The following GTF3C6 variants were observed in gnomAD, a reference collection of about 807,000 sequenced individuals.
GTF3C6 encodes the protein general transcription factor 3C polypeptide 6.
In GTF3C6, 11 loss-of-function variants were observed where a neutral mutation model predicts 19.2. The observed-to-expected ratio is 0.57, with a 90% CI of 0.36 to 0.95. GTF3C6 has a LOEUF of 0.95. Among genes scored for constraint, GTF3C6 ranks in the 40% least tolerant of loss-of-function variants. The probability of loss-of-function intolerance (pLI) is 0.01; values close to 1 mark genes in which losing one functional copy is unlikely to be tolerated. For missense variants in GTF3C6, 222 were observed against 254.7 expected (o/e 0.87, Z 0.87); for synonymous variants, 87 against 84.2 (o/e 1.03, Z -0.18).
At position 110,958,791 on chromosome 6, in the gene GTF3C6, C is replaced by A; in HGVS notation, c.22C>A (p.Arg8=). MAAAADE[R]SPEDGEDEEE... ...GACCATGGCGGCGGCGGCGGACGAGCGGAGTCCAGAGGACGGAGAAGACGA... is the reference window on the plus strand; with the variant it reads ...GACCATGGCGGCGGCGGCGGACGAGAGGAGTCCAGAGGACGGAGAAGACGA... The change falls in exon 1 of 6, where the codon CGG becomes AGG. Residue 8 remains arginine, a synonymous_variant. Coordinates refer to ENST00000329970, the MANE Select transcript of GTF3C6 (RefSeq NM_138408.4). 1.9e-6 allele frequency: 3 copies of A among 1,551,090 alleles called. No homozygotes were observed. The highest frequency in any genetic ancestry group is 4.9e-5 in the East Asian group (2 of 40,990).
At chr6:110,961,339 CAG>C (rs1302733960) in intron 4 of GTF3C6, among the ~76,000 whole-genome samples, 1 of 151,800 alleles carries the variant, frequency 6.6e-6, no homozygotes, top group Non-Finnish European at 1.5e-5. Context: ...TTGGTAGAGA[CAG>C]GGTTTCGCCA....
intron 4 of GTF3C6, among the ~76,000 whole-genome samples, chr6:110,962,177 T>G (rs1771169488): frequency 6.6e-6 from 1 of 152,202 alleles, no homozygotes; most frequent in Non-Finnish European, 1.5e-5. Context: ...GTGCAGGGAT[T>G]ACAGGTGTGA....
intron 4 of GTF3C6, among the ~76,000 whole-genome samples, chr6:110,962,045 GGC>G (rs1318934706): frequency 6.6e-6 from 1 of 152,094 alleles, no homozygotes; most frequent in Non-Finnish European, 1.5e-5. Flanking sequence ...TGGGATTACA[GGC>G]GTGTGCCACC....
intron 5 of GTF3C6, among the ~76,000 whole-genome samples, chr6:110,964,587 C>T (rs1335148445): frequency 1.3e-5 from 2 of 151,966 alleles, no homozygotes; most frequent in Admixed American, 1.3e-4. Context: ...CCTGGGCTTG[C>T]CTAGAACTCC....
At chr6:110,958,970 C>A in intron 1 of GTF3C6, 144 bp downstream of exon 1, 1 of 1,013,494 alleles carries the variant, frequency 9.9e-7, no homozygotes, top group Non-Finnish European at 1.5e-6. Context: ...GCGCGAGGAG[C>A]CGGGCAGCTT....
At chr6:110,959,048 G>A (rs994851884) in intron 1 of GTF3C6, 124 bp from the exon 2 acceptor site, 41 of 861,006 alleles carry the variant, frequency 4.8e-5, no homozygotes, top group Middle Eastern at 2.2e-4. Flanking sequence ...CTTAGGTAGC[G>A]TAGTTTCCTC....
At chr6:110,966,823 A>C (rs1197569551) in intron 5 of GTF3C6, among the ~76,000 whole-genome samples, 2 of 140,214 alleles carry the variant, frequency 1.4e-5, no homozygotes, top group African/African-American at 5.4e-5. Flanking sequence ...TTGCGGGAAA[A>C]AAATATGAAT....
chr6:110,960,595 T>G lies in GTF3C6; in HGVS notation c.226T>G (p.Phe76Val), dbSNP rs764646095. 6.2e-7 allele frequency: 1 copy of G among 1,613,892 alleles called. No homozygotes were observed. ...AGACACTCTAGGGACCTGTGTTATATTTGAAGAAAATGTTGAACATGGTAA... is the reference window on the plus strand; with the variant it reads ...AGACACTCTAGGGACCTGTGTTATAGTTGAAGAAAATGTTGAACATGGTAA... ...YEDTLGTCVI[F>V]EENVEHADTE... Residue 76 changes from phenylalanine (F) to valine (V), a missense_variant, in exon 4 of 6, where the codon TTT becomes GTT. By Grantham distance (50) the Phe-to-Val change is conservative. Coordinates refer to ENST00000329970, the MANE Select transcript of GTF3C6 (RefSeq NM_138408.4).
At chr6:110,964,529 T>C (rs1771204347) in intron 5 of GTF3C6, among the ~76,000 whole-genome samples, 1 of 152,054 alleles carries the variant, frequency 6.6e-6, no homozygotes, top group Non-Finnish European at 1.5e-5. Flanking sequence ...CATGAGATGC[T>C]GCACCCAGCC....
At chr6:110,959,555 C>CAT (rs1771131435) in intron 2 of GTF3C6, among the ~76,000 whole-genome samples, 1 of 152,058 alleles carries the variant, frequency 6.6e-6, no homozygotes, top group Admixed American at 6.6e-5. Flanking sequence ...TGGAACCGTA[C>CAT]ATATATTCCT....
intron 5 of GTF3C6, among the ~76,000 whole-genome samples, chr6:110,963,024 G>A (rs572088828): frequency 3.3e-5 from 5 of 152,184 alleles, no homozygotes; most frequent in Non-Finnish European, 4.4e-5. Context: ...TGATCCGCCC[G>A]CCTTGGCTTC....
intron 5 of GTF3C6, 148 bp from the exon 6 acceptor site, chr6:110,967,362 C>T (rs1771242653): frequency 1.5e-6 from 1 of 657,818 alleles, no homozygotes; most frequent in African/African-American, 1.8e-5. Context: ...TATATTTTAT[C>T]AGTAGTTACA....
chr6:110,961,867 T>A (rs534099948), intron 4 of GTF3C6, among the ~76,000 whole-genome samples: 1 of 152,298 alleles, frequency 6.6e-6, no homozygotes, highest in Admixed American at 6.5e-5. Context: ...AAGATGTTTG[T>A]TACTTTTGAA....
intron 2 of GTF3C6, among the ~76,000 whole-genome samples, chr6:110,959,585 A>C (rs1771131739): frequency 6.6e-6 from 1 of 152,102 alleles, no homozygotes; most frequent in African/African-American, 2.4e-5. Flanking sequence ...GCACTTTGGG[A>C]GGCAGAGGTG....
intron 1 of GTF3C6, 54 bp downstream of exon 1, chr6:110,958,880 G>A (rs756217489): frequency 5.6e-5 from 85 of 1,524,966 alleles, no homozygotes; most frequent in Non-Finnish European, 6.8e-5. Flanking sequence ...TGCCTGTGCT[G>A]GCTGTGTGTG....
Position 110,962,500 on chromosome 6 carries a change from A to C in GTF3C6, c.356A>C (p.Asn119Thr), listed in dbSNP as rs767439572. The stretch of plus-strand genomic sequence containing the variant: ...ACAGAGAAGAAGGAAGGAGAAGAAA[A>C]CATAGGTTAGTTCCATTATTCTCTG... ...LLTEKKEGEE[N>T]IGGVEWLQIK... Residue 119 changes from asparagine to threonine, a missense_variant, in exon 5 of 6, where the codon AAC (asparagine) becomes ACC (threonine). Physicochemically the swap from Asn to Thr is moderately conservative, Grantham distance 65. Transcript: ENST00000329970. 5.8e-6 allele frequency: 9 copies of C among 1,564,928 alleles called. No homozygotes were observed. In the South Asian group the frequency reaches 1.0e-4, roughly 17 times the overall value.
chr6:110,962,239 G>C (rs1771170200), intron 4 of GTF3C6, among the ~76,000 whole-genome samples, 153 bp from the exon 5 acceptor site: 1 of 152,052 alleles, frequency 6.6e-6, no homozygotes, highest in African/African-American at 2.4e-5. Context: ...TTCTATGCTT[G>C]GAGCAGGAGG....
chr6:110,960,920 A>G (rs1196996278), intron 4 of GTF3C6, among the ~76,000 whole-genome samples: 1 of 151,774 alleles, frequency 6.6e-6, no homozygotes, highest in African/African-American at 2.4e-5. Flanking sequence ...GTATGGTGGC[A>G]TGTGCCTCCC....
At chr6:110,964,332 C>T (rs1321262289) in intron 5 of GTF3C6, among the ~76,000 whole-genome samples, 1 of 151,980 alleles carries the variant, frequency 6.6e-6, no homozygotes, top group East Asian at 1.9e-4. Flanking sequence ...GCAACCTCCA[C>T]CTCCCAGGTT....
Sources: allele counts gnomAD v4.1 joint callset (sites outside exome capture counted in the v4.1 genomes callset), GRCh38; gene constraint gnomAD v4.1.1; transcripts MANE v1.5; gene names NCBI Gene and HGNC (gene_info 2026-07-23, HGNC 2026-07-21).